The following ESR1 variants were observed in gnomAD, a reference collection of about 807,000 sequenced individuals.
The protein encoded by ESR1 is estrogen receptor.
Under a neutral mutation model 52.7 loss-of-function variants are expected in ESR1, and 12 were observed. The observed-to-expected ratio is 0.23, with a 90% CI of 0.15 to 0.37. The LOEUF is 0.37. ESR1 is among the 10% of genes least tolerant of loss of function. The pLI is 1.00. For missense variants in ESR1, 584 were observed against 779.7 expected (o/e 0.75, Z 2.99); for synonymous variants, 305 against 316.8 (o/e 0.96, Z 0.39).
chr6:152,129,263 A>G (rs1204639452), exon 7 of ESR1: 1 of 152,288 alleles, frequency 6.6e-6, no homozygotes, highest in African/African-American at 2.4e-5. Context: ...TTGGCGTTGC[A>G]TCATAACATA....
intron 4 of ESR1, among the ~76,000 whole-genome samples, chr6:152,005,191 G>A (rs1038361398): frequency 6.6e-6 from 1 of 151,956 alleles, no homozygotes; most frequent in Non-Finnish European, 1.5e-5. Flanking sequence ...TTCTGGACAT[G>A]CTAAACATCT....
intron 2 of ESR1, among the ~76,000 whole-genome samples, chr6:151,770,014 T>G (rs1785381606): frequency 7.1e-6 from 1 of 140,580 alleles, no homozygotes; most frequent in African/African-American, 2.7e-5. Context: ...GGCGACAGAG[T>G]GAGACTCCAT....
intron 6 of ESR1, among the ~76,000 whole-genome samples, chr6:152,085,337 C>A (rs920657998): frequency 1.3e-5 from 2 of 148,624 alleles, no homozygotes; most frequent in African/African-American, 2.6e-5. Context: ...CAAAACAAAA[C>A]AAAAAGAAAA....
chr6:151,812,855 A>T (rs947888795), intron 1 of ESR1, among the ~76,000 whole-genome samples: 8 of 152,164 alleles, frequency 5.3e-5, no homozygotes, highest in African/African-American at 1.9e-4. Flanking sequence ...GCCACTTGAA[A>T]CCAGCCAAAG....
chr6:151,659,008 A>AGT (rs1483616824), intron 1 of ESR1, among the ~76,000 whole-genome samples: 1 of 152,142 alleles, frequency 6.6e-6, no homozygotes, highest in Non-Finnish European at 1.5e-5. Flanking sequence ...TGCTAAGGCA[A>AGT]GTTTTTTTGC....
At chr6:151,857,490 CA>C (rs1380558055) in intron 2 of ESR1, among the ~76,000 whole-genome samples, 3 of 146,636 alleles carry the variant, frequency 2.0e-5, no homozygotes, top group African/African-American at 7.7e-5. Flanking sequence ...CACACCCACC[CA>C]CCCACACACA....
At chr6:152,011,018 C>T (rs959623918) in intron 4 of ESR1, among the ~76,000 whole-genome samples, 1 of 151,954 alleles carries the variant, frequency 6.6e-6, no homozygotes, top group Non-Finnish European at 1.5e-5. Flanking sequence ...TTGGAGAAAG[C>T]TTTAATCTCC....
In ESR1 at chr6:151,982,554, G is replaced by A. The variant is rs183084492; in HGVS notation, c.1097-29102G>A. Among the ~76,000 whole-genome samples, 39 of 150,390 alleles carry A rather than the reference G, an allele frequency of 2.6e-4. No homozygotes were observed. In the East Asian group the frequency reaches 5.5e-3, roughly 21 times the overall value. ...GGCTGGAATGCAGTGGTGTGATCTC[G>A]GCTCACTGCAAGCTCCGCCTCCCGG... On this transcript the variant is annotated intron_variant, in intron 4 of 7. Transcript: ENST00000206249.
intron 1 of ESR1, among the ~76,000 whole-genome samples, chr6:151,810,818 A>G (rs1284762330): frequency 6.6e-6 from 1 of 152,254 alleles, no homozygotes; most frequent in East Asian, 1.9e-4. Flanking sequence ...AGAAAAAATT[A>G]GAAAGCTAAT....
intron 4 of ESR1, among the ~76,000 whole-genome samples, chr6:151,967,633 C>A (rs1018053997): frequency 6.6e-6 from 1 of 152,102 alleles, no homozygotes; most frequent in Non-Finnish European, 1.5e-5. Context: ...TGAATAGTGC[C>A]ACAATAAACA....
At chr6:152,115,882 C>T (rs927210297) in intron 6 of ESR1, among the ~76,000 whole-genome samples, 5 of 152,172 alleles carry the variant, frequency 3.3e-5, no homozygotes, top group African/African-American at 1.2e-4. Context: ...CCTTCCCAAT[C>T]GTCTGCACCT....
intron 3 of ESR1, among the ~76,000 whole-genome samples, chr6:151,892,703 A>G (rs761269158): frequency 8.5e-5 from 13 of 152,048 alleles, no homozygotes; most frequent in Non-Finnish European, 1.6e-4. Context: ...GGAAGAGGCC[A>G]AAAAAGATAA....
At chr6:151,853,745 C>A (rs1165432096) in intron 2 of ESR1, among the ~76,000 whole-genome samples, 1 of 152,120 alleles carries the variant, frequency 6.6e-6, no homozygotes, top group Non-Finnish European at 1.5e-5. Flanking sequence ...CATTTTTCTT[C>A]ATTTTTTGTT....
chr6:151,718,813 T>C (rs1028282521), intron 2 of ESR1, among the ~76,000 whole-genome samples: 3 of 152,214 alleles, frequency 2.0e-5, no homozygotes, highest in Non-Finnish European at 4.4e-5. Context: ...TTGTTCTCCC[T>C]GTTTTCAGAT....
At chr6:152,090,165 G>C (rs908891209) in intron 6 of ESR1, among the ~76,000 whole-genome samples, 2 of 152,148 alleles carry the variant, frequency 1.3e-5, no homozygotes, top group African/African-American at 4.8e-5. Flanking sequence ...CACACTATTT[G>C]GTTGTAGAAT....
intron 6 of ESR1, among the ~76,000 whole-genome samples, chr6:152,087,535 C>T (rs570977043): frequency 6.6e-6 from 1 of 152,142 alleles, no homozygotes; most frequent in African/African-American, 2.4e-5. Flanking sequence ...ATATCATAAC[C>T]CTCTTTTATG....
intron 1 of ESR1, among the ~76,000 whole-genome samples, chr6:151,680,084 C>T (rs1192819920): frequency 6.6e-6 from 1 of 152,112 alleles, no homozygotes; most frequent in African/African-American, 2.4e-5. Context: ...GGCTTAAAAT[C>T]AGACATTTAT....
At chr6:152,004,985 T>C (rs1049210868) in intron 4 of ESR1, among the ~76,000 whole-genome samples, 4 of 152,068 alleles carry the variant, frequency 2.6e-5, no homozygotes, top group African/African-American at 4.8e-5. Flanking sequence ...TTTTTTTTCT[T>C]ACCACTGGTT....
At chr6:152,088,977 C>T (rs1488567304) in intron 6 of ESR1, among the ~76,000 whole-genome samples, 10 of 152,136 alleles carry the variant, frequency 6.6e-5, no homozygotes, top group Non-Finnish European at 5.9e-5. Context: ...TGGATAGAAA[C>T]ATTTATCCTA....
Sources: allele counts gnomAD v4.1 joint callset (sites outside exome capture counted in the v4.1 genomes callset), GRCh38; gene constraint gnomAD v4.1.1; transcripts MANE v1.5; gene names NCBI Gene and HGNC (gene_info 2026-07-23, HGNC 2026-07-21).